Variants in FBXL13 observed in about 807,000 individuals in gnomAD.
FBXL13 encodes the protein F-box and leucine-rich repeat protein 13.
FBXL13 carries 67 observed loss-of-function variants against 83.6 expected under a neutral mutation model. The observed-to-expected ratio is 0.80, with a 90% CI of 0.66 to 0.98. FBXL13 has a LOEUF of 0.98. Ranked by LOEUF, FBXL13 falls within the 50% of genes least tolerant of loss-of-function variation. The probability of loss-of-function intolerance (pLI) is 0.00; values close to 1 mark genes in which losing one functional copy is unlikely to be tolerated. For synonymous variants in FBXL13, 272 were observed against 299.5 expected, an observed-to-expected ratio of 0.91 and a Z score of 0.95; for missense variants, 822 against 866.5, an observed-to-expected ratio of 0.95 and a Z score of 0.64.
intron 11 of FBXL13, among the ~76,000 whole-genome samples, chr7:102,888,999 A>C (rs1040966415): frequency 1.3e-5 from 2 of 152,238 alleles, no homozygotes; most frequent in Non-Finnish European, 1.5e-5. Context: ...AAATAAAATG[A>C]GGCAATGTAT....
intron 18 of FBXL13, among the ~76,000 whole-genome samples, chr7:102,827,541 T>TA (rs2129446658): frequency 6.6e-6 from 1 of 152,318 alleles, no homozygotes; most frequent in Non-Finnish European, 1.5e-5. Flanking sequence ...ATTTTTTTTT[T>TA]ATACTTTAAG....
At chr7:102,827,013 A>T (rs1584466240) in intron 18 of FBXL13, 1 of 379,730 alleles carries the variant, frequency 2.6e-6, no homozygotes, top group East Asian at 7.5e-5. Flanking sequence ...AATGCTTTGC[A>T]GCTACTGTCA....
intron 2 of FBXL13, among the ~76,000 whole-genome samples, chr7:103,035,077 C>A (rs1016817156): frequency 2.5e-4 from 38 of 152,130 alleles, no homozygotes; most frequent in African/African-American, 9.2e-4. Flanking sequence ...AAAAATACGG[C>A]ATCTTGTGAA....
intron 6 of FBXL13, among the ~76,000 whole-genome samples, chr7:102,997,330 C>T (rs541206883): frequency 2.6e-5 from 4 of 152,234 alleles, no homozygotes; most frequent in South Asian, 4.1e-4. Context: ...TGAGGGTACA[C>T]GTGATATTTT....
At chr7:102,944,455 T>C (rs1466791393) in intron 8 of FBXL13, 1 of 1,613,912 alleles carries the variant, frequency 6.2e-7, no homozygotes, top group Non-Finnish European at 8.5e-7. Flanking sequence ...TGTGGGAAAA[T>C]ATATTAGAAG....
chr7:102,814,991 C>T (rs901627121), intron 19 of FBXL13, among the ~76,000 whole-genome samples: 9 of 152,100 alleles, frequency 5.9e-5, no homozygotes, highest in African/African-American at 1.7e-4. Context: ...GTGAGATTAT[C>T]ATATCTTTCA....
chr7:103,033,757 G>C (rs1794773073), intron 2 of FBXL13, among the ~76,000 whole-genome samples: 1 of 152,104 alleles, frequency 6.6e-6, no homozygotes, highest in African/African-American at 2.4e-5. Context: ...AAAGAACAAA[G>C]CTTCCACAGT....
chr7:102,819,708 C>A (rs1199094107), intron 19 of FBXL13, among the ~76,000 whole-genome samples: 1 of 152,142 alleles, frequency 6.6e-6, no homozygotes, highest in Non-Finnish European at 1.5e-5. Context: ...TCTCTCTTAT[C>A]CCACCTGCCA....
chr7:102,967,944 C>A, intron 7 of FBXL13, 78 bp downstream of exon 8: 1 of 1,107,564 alleles, frequency 9.0e-7, no homozygotes, highest in East Asian at 2.4e-5. Flanking sequence ...AAGGTGTCCC[C>A]ACAACAGCTG....
rs576593563 is a variant in FBXL13 at position 103,064,619 on chromosome 7, C to T, written c.-104-8872G>A. On this transcript the variant is annotated intron_variant, in intron 1 of 19. Coordinates refer to ENST00000313221, the Ensembl canonical transcript of FBXL13. ...AGCCAAGTATGGCAGATTATATTTT[C>T]CACAATGGCCATAACAGTATCTCCC... Among the ~76,000 whole-genome samples, 27 of 152,292 alleles carry T rather than the reference C, an allele frequency of 1.8e-4. 1 individual carries two copies. In the South Asian group the frequency reaches 5.2e-3, roughly 29 times the overall value.
intron 6 of FBXL13, among the ~76,000 whole-genome samples, chr7:102,989,874 A>C (rs1829380115): frequency 6.6e-6 from 1 of 152,050 alleles, no homozygotes; most frequent in South Asian, 2.1e-4. Flanking sequence ...ATAACTCTAA[A>C]ATTGCTGTAT....
intron 2 of FBXL13, among the ~76,000 whole-genome samples, chr7:103,036,781 G>A (rs989659375): frequency 4.6e-5 from 7 of 152,154 alleles, no homozygotes; most frequent in Non-Finnish European, 1.0e-4. Flanking sequence ...CAAAGTGTTG[G>A]GGTTACAGGC....
At chr7:102,903,627 G>A (rs1813258066) in intron 11 of FBXL13, among the ~76,000 whole-genome samples, 1 of 151,910 alleles carries the variant, frequency 6.6e-6, no homozygotes, top group Non-Finnish European at 1.5e-5. Context: ...CTTATGAAGG[G>A]ATATTGAATT....
Position 102,934,327 on chromosome 7 carries a change from C to A in FBXL13, c.725-2394G>T, listed in dbSNP as rs528743576. 15 of 1,614,134 alleles carry A rather than the reference C, an allele frequency of 9.3e-6. No individual in the cohort carries two copies. In the South Asian group the frequency reaches 1.4e-4, roughly 15 times the overall value. On this transcript the variant is annotated intron_variant, in intron 8 of 19. Transcript: ENST00000313221. ...AACTCACCACCCTCTTACTGCAGCA[C>A]AACCAGATCAAAGTCTTGACGGAGG...
intron 6 of FBXL13, among the ~76,000 whole-genome samples, chr7:103,013,122 CA>C (rs1406128003): frequency 6.6e-6 from 1 of 152,152 alleles, no homozygotes; most frequent in Non-Finnish European, 1.5e-5. Context: ...GCGCTCAACC[CA>C]GATTCATAAA....
At chr7:103,055,174 T>G in intron 2 of FBXL13, 7 of 1,282,680 alleles carry the variant, frequency 5.5e-6, no homozygotes, top group Non-Finnish European at 7.1e-6. Flanking sequence ...GTAATGCACA[T>G]ATCCCTTTAA....
intron 1 of FBXL13, among the ~76,000 whole-genome samples, chr7:103,062,951 C>T (rs1798061846): frequency 6.6e-6 from 1 of 152,200 alleles, no homozygotes; most frequent in African/African-American, 2.4e-5. Context: ...AGTGTATCCC[C>T]CTCAGCTGAC....
chr7:103,036,858 C>T (rs1311628333), intron 2 of FBXL13, among the ~76,000 whole-genome samples: 4 of 152,280 alleles, frequency 2.6e-5, no homozygotes, highest in Admixed American at 2.0e-4. Context: ...TGGACAGAAA[C>T]GCTCACTAAC....
chr7:103,020,902 T>C (rs1793079533), intron 6 of FBXL13, among the ~76,000 whole-genome samples: 1 of 152,250 alleles, frequency 6.6e-6, no homozygotes, highest in South Asian at 2.1e-4. Context: ...AAAATGGCCA[T>C]ACTACCCAAG....
Sources: allele counts gnomAD v4.1 joint callset (sites outside exome capture counted in the v4.1 genomes callset), GRCh38; gene constraint gnomAD v4.1.1; transcripts MANE v1.5; gene names NCBI Gene and HGNC (gene_info 2026-07-23, HGNC 2026-07-21).